The following MRPL23 variants were observed in gnomAD, a reference collection of about 807,000 sequenced individuals.
MRPL23 encodes the protein mitochondrial ribosomal protein L23.
For synonymous variants in MRPL23, 12 were observed against 34.8 expected, an observed-to-expected ratio of 0.35 and a Z score of 2.30; for missense variants, 25 against 81.3, an observed-to-expected ratio of 0.31 and a Z score of 2.66.
chr11:1,992,727 C>T, the MRPL23 span, among the ~76,000 whole-genome samples: 1 of 69,882 alleles, frequency 1.4e-5, no homozygotes, highest in East Asian at 3.9e-4. Flanking sequence ...GTGCCTGGAG[C>T]CTGTCTAACA....
chr11:1,992,339 AG>A, the MRPL23 span: 1 of 98,102 alleles, frequency 1.0e-5, no homozygotes, highest in East Asian at 2.9e-4. Context: ...GGGACTCGCC[AG>A]GAGATGCGTG....
intron 4 of MRPL23, among the ~76,000 whole-genome samples, chr11:1,954,689 GGGAATGAAGGGCGCGCA>G (rs369481979): frequency 0.012 from 633 of 51,282 alleles, 184 homozygotes; most frequent in Middle Eastern, 0.023. Flanking sequence ...TGAGCAGCGC[GGGAATGAAGGGCGCGCA>G]GGAATGAAGG....
At chr11:1,960,226 GTCC>G (rs1430132334), downstream of MRPL23, among the ~76,000 whole-genome samples, 1 of 46,452 alleles carries the variant, frequency 2.2e-5, no homozygotes, top group African/African-American at 7.0e-5. Flanking sequence ...TCTGTCTTCT[GTCC>G]TCCTCCTCCC....
Position 1,983,522 on chromosome 11 carries a change from C to T in MRPL23, c.498-916C>T, listed in dbSNP as rs370978248. 10 of 97,862 alleles carry T rather than the reference C, an allele frequency of 1.0e-4. 1 individual carries two copies. The highest frequency in any genetic ancestry group is 6.8e-4 in the Admixed American group (7 of 10,262). 6.1% of individuals were successfully genotyped at this position (97,862 alleles called of 1,614,324 possible). A position where few individuals can be genotyped will look rare whatever the true frequency, so the allele number is the denominator to read the frequency against. Reference sequence around the variant, plus strand: ...TTTCTCCCACGGGCCGTCCCTGGCTCGACCCTGTGCCCAGGGCAGGGTCAG... The same window carrying T: ...TTTCTCCCACGGGCCGTCCCTGGCTTGACCCTGTGCCCAGGGCAGGGTCAG... On this transcript the variant is annotated intron_variant, in intron 5 of 5. Transcript: ENST00000397297.
downstream of MRPL23, among the ~76,000 whole-genome samples, chr11:1,959,494 G>A (rs373814016): frequency 4.8e-4 from 2 of 4,152 alleles, no homozygotes; most frequent in African/African-American, 5.3e-4. Flanking sequence ...CCCGTGACCC[G>A]CTCCTGCCTG....
At chr11:1,991,710 G>A in the MRPL23 span, among the ~76,000 whole-genome samples, 10 of 128,964 alleles carry the variant, frequency 7.8e-5, no homozygotes, top group Admixed American at 7.8e-4. Flanking sequence ...GGAGGGCCGA[G>A]GAGGGCCCCC....
At chr11:1,950,754 G>T (rs1349422630) in intron 1 of MRPL23, 145 bp from the exon 2 acceptor site, 100 of 111,110 alleles carry the variant, frequency 9.0e-4, no homozygotes, top group East Asian at 5.6e-3. Flanking sequence ...ACCACTGTTG[G>T]GAGTGGACAC....
At chr11:1,959,956 C>G (rs1373251589), downstream of MRPL23, among the ~76,000 whole-genome samples, 1 of 131,610 alleles carries the variant, frequency 7.6e-6, no homozygotes, top group African/African-American at 2.6e-5. Flanking sequence ...AGAGAGCCGA[C>G]AGCGCTGCTC....
At position 1,971,121 on chromosome 11, in the gene MRPL23, T is replaced by C. The variant is rs1273308567; in HGVS notation, c.298-1438T>C. On this transcript the variant is annotated intron_variant, in intron 4 of 4. Transcript: ENST00000397294. ...CCGGCCTGGCCACAGCCCTGCTTCCTGTCCAGCCCTCCCATCTGTCTTTCC... is the reference window on the plus strand; with the variant it reads ...CCGGCCTGGCCACAGCCCTGCTTCCCGTCCAGCCCTCCCATCTGTCTTTCC... Among the ~76,000 whole-genome samples, 8 of 145,566 alleles carry C rather than the reference T, an allele frequency of 5.5e-5. 2 individuals carry two copies. The highest frequency in any genetic ancestry group is 1.1e-4 in the Non-Finnish European group (7 of 65,026).
At chr11:1,992,943 G>A in the MRPL23 span, among the ~76,000 whole-genome samples, 1 of 137,038 alleles carries the variant, frequency 7.3e-6, no homozygotes, top group African/African-American at 2.5e-5. Flanking sequence ...CTCACCCTGA[G>A]GTTCAGCCCC....
At chr11:1,991,597 C>G in the MRPL23 span, among the ~76,000 whole-genome samples, 2 of 137,618 alleles carry the variant, frequency 1.5e-5, no homozygotes, top group South Asian at 6.0e-4. Context: ...CACCCGTGCA[C>G]ACCCATCTGA....
chr11:1,981,388 GC>G (rs1203902230), intron 5 of MRPL23, among the ~76,000 whole-genome samples: 1 of 20,208 alleles, frequency 4.9e-5, no homozygotes, highest in Admixed American at 4.0e-4. Context: ...CTGTGTGGTG[GC>G]CCCCTGGGGC....
At chr11:1,991,846 C>T in the MRPL23 span, 4 of 137,734 alleles carry the variant, frequency 2.9e-5, no homozygotes, top group African/African-American at 7.5e-5. Context: ...CTTGAGTCCC[C>T]GACTGTTTTC....
intron 5 of MRPL23, chr11:1,983,505 A>G (rs1856773474): frequency 1.1e-5 from 1 of 92,392 alleles, no homozygotes; most frequent in Non-Finnish European, 2.4e-5. Context: ...TCTTTCTCCC[A>G]CGGGCCGTCC....
chr11:1,992,279 AG>A, the MRPL23 span: 16 of 99,204 alleles, frequency 1.6e-4, 3 homozygotes, highest in African/African-American at 4.0e-4. Context: ...CTCGGTGACA[AG>A]GTAGCTGAGG....
At chr11:1,958,172 C>T (rs1434419788), downstream of MRPL23, among the ~76,000 whole-genome samples, 1 of 138,366 alleles carries the variant, frequency 7.2e-6, no homozygotes, top group East Asian at 2.2e-4. Context: ...GCAGCGTGGG[C>T]CTGTTGTGGT....
At position 1,947,396 on chromosome 11, in the gene MRPL23, A is replaced by AC. The variant is rs575316742; in HGVS notation, c.17+24dup. ...GAATGTGGTGTGAGTAGGGGTCGTC[A>AC]CCCCCCCGTCGCGGGGCGCCCCTTA... On this transcript the variant is annotated intron_variant, in intron 1 of 4. Coordinates refer to ENST00000397298, the MANE Select transcript of MRPL23 (RefSeq NM_021134.4). The AC allele has an allele frequency of 1.5e-3, 22 of 14,752 alleles. 2 individuals carry two copies. The highest frequency in any genetic ancestry group is 2.0e-3 in the Admixed American group (1 of 492). The allele number at this position is 14,752 out of a possible 1,614,324, so 0.9% of individuals were successfully genotyped here.
rs1856243607 is a variant in MRPL23, at chr11:1,948,606, TG to T, written c.17+1230del. Among the ~76,000 whole-genome samples, 2 of 74,266 alleles carry T rather than the reference TG, an allele frequency of 2.7e-5. 1 individual carries two copies. The highest frequency in any genetic ancestry group is 1.5e-3 in the South Asian group (2 of 1,360). The allele number at this position is 74,266 out of a possible 152,430, so 48.7% of individuals were successfully genotyped here. A position where few individuals can be genotyped will look rare whatever the true frequency, so the allele number is the denominator to read the frequency against. On this transcript the variant is annotated intron_variant, in intron 1 of 4. Coordinates refer to ENST00000397298, the MANE Select transcript of MRPL23 (RefSeq NM_021134.4). ...TGGGGGTGCCGAGAGGGTGGGATCC[TG>T]GGTGAGTCACTCGTGGGGCCGTGGG... is the stretch of plus-strand genomic sequence containing the variant.
At chr11:1,988,896 C>G (rs1164233013), downstream of MRPL23, among the ~76,000 whole-genome samples, 2 of 145,740 alleles carry the variant, frequency 1.4e-5, no homozygotes, top group African/African-American at 4.9e-5. Flanking sequence ...CCTCTCCAGC[C>G]GCTCCCTTCC....
Sources: allele counts gnomAD v4.1 joint callset (sites outside exome capture counted in the v4.1 genomes callset), GRCh38; gene constraint gnomAD v4.1.1; transcripts MANE v1.5; gene names NCBI Gene and HGNC (gene_info 2026-07-23, HGNC 2026-07-21).